Variants in PCDH17 observed in about 807,000 individuals in gnomAD.
PCDH17 encodes protocadherin-17.
A neutral mutation model predicts 67.7 loss-of-function variants in PCDH17; 21 were observed. The ratio of observed to expected loss-of-function variants is 0.31; its 90% CI spans 0.22 to 0.45. PCDH17 has a LOEUF of 0.45. PCDH17 is among the 20% of genes least tolerant of loss of function. The pLI is 1.00. For synonymous variants in PCDH17, 701 were observed against 656.7 expected, an observed-to-expected ratio of 1.07 and a Z score of -1.03; for missense variants, 1,471 against 1,564.8, an observed-to-expected ratio of 0.94 and a Z score of 1.01.
rs756617213 is a variant in PCDH17 at position 57,634,941 on chromosome 13, G to A, written c.2395G>A (p.Asp799Asn). The A allele has an allele frequency of 6.8e-6, 11 of 1,613,398 alleles. No individual in the cohort carries two copies. The highest frequency in any genetic ancestry group is 9.3e-6 in the Non-Finnish European group (11 of 1,179,908). Residue 799 changes from aspartate to asparagine, a missense_variant, in exon 1 of 4, where the codon GAC becomes AAC. Around this residue, in one of 3 missense-constraint regions of PCDH17, gnomAD observed 1,163 missense variants for 1,230.0 expected, o/e 0.95. Coordinates refer to ENST00000377918, the MANE Select transcript of PCDH17 (RefSeq NM_001040429.3). The surrounding 1 kb of genome is among the most constrained non-coding windows in gnomAD (Gnocchi z 7.8). The stretch of plus-strand genomic sequence containing the variant: ...CCTGGCCACCTCCCCCATGTACTTC[G>A]ACTACCAGACCCGCCTGCCCCTCAG... ...PSLATSPMYF[D>N]YQTRLPLSSP...
In PCDH17 at chr13:57,633,654, G is replaced by A. The variant is rs1220400732; in HGVS notation, c.1108G>A (p.Val370Ile). Residue 370 changes from valine (V) to isoleucine (I), a missense_variant, in exon 1 of 4, where the codon GTC (valine) becomes ATC (isoleucine). This residue lies in a region of PCDH17 where 1,163 missense variants were observed against 1,230.0 expected (regional missense o/e 0.95). Coordinates refer to ENST00000377918, the MANE Select transcript of PCDH17 (RefSeq NM_001040429.3). The surrounding 1 kb of genome is among the most constrained non-coding windows in gnomAD (Gnocchi z 6.2). ...GAGCGAGGCCGCCCCTCCCGGCACCGTCATCGCCCTGGTGCGGGTCACTGA... is the reference window on the plus strand; with the variant it reads ...GAGCGAGGCCGCCCCTCCCGGCACCATCATCGCCCTGGTGCGGGTCACTGA... ...ALSEAAPPGT[V>I]IALVRVTDRD... The A allele has an allele frequency of 1.2e-6, 2 of 1,607,526 alleles. No individual in the cohort carries two copies. Among genetic ancestry groups the A allele is most frequent in the Non-Finnish European group, 1.7e-6 (2 of 1,179,956 alleles).
chr13:57,634,712 C>T lies in PCDH17; in HGVS notation c.2166C>T (p.Ala722=). 1.2e-6 allele frequency: 2 copies of T among 1,613,942 alleles called. No individual in the cohort carries two copies. The highest frequency in any genetic ancestry group is 1.7e-6 in the Non-Finnish European group (2 of 1,180,016). ...CTATCTCCATCATCCTCCTAGCGGC[C>T]ATGATCACCATCGCCGTCAAGTGCA... ...LSTISIILLA[A]MITIAVKCKR... Residue 722 remains alanine (A), a synonymous_variant, in exon 1 of 4, where the codon GCC becomes GCT. Coordinates refer to ENST00000377918, the MANE Select transcript of PCDH17 (RefSeq NM_001040429.3). The surrounding 1 kb of genome is among the most constrained non-coding windows in gnomAD (Gnocchi z 7.8).
intron 3 of PCDH17, among the ~76,000 whole-genome samples, chr13:57,669,557 A>G (rs905961964): frequency 3.3e-5 from 5 of 151,944 alleles, no homozygotes; most frequent in Non-Finnish European, 7.4e-5. Context: ...GTATCTGTTC[A>G]TCTAGATTTA....
At chr13:57,650,476 A>G (rs879647441) in intron 1 of PCDH17, among the ~76,000 whole-genome samples, 5 of 152,038 alleles carry the variant, frequency 3.3e-5, no homozygotes, top group African/African-American at 4.8e-5. Flanking sequence ...GCAAGTCAAT[A>G]GTTTCCCTAC....
chr13:57,681,893 C>T (rs1052465016), intron 3 of PCDH17, among the ~76,000 whole-genome samples: 2 of 151,732 alleles, frequency 1.3e-5, no homozygotes, highest in African/African-American at 4.8e-5. Context: ...CTATCTCAGA[C>T]TCTTCCAAGA....
chr13:57,668,923 T>C (rs1476201468), intron 3 of PCDH17, among the ~76,000 whole-genome samples: 1 of 152,112 alleles, frequency 6.6e-6, no homozygotes, highest in Non-Finnish European at 1.5e-5. Flanking sequence ...GCAAGTGCCA[T>C]GTTGGTGTGC....
intron 1 of PCDH17, among the ~76,000 whole-genome samples, chr13:57,663,332 A>G (rs540185866): frequency 6.6e-6 from 1 of 152,268 alleles, no homozygotes; most frequent in South Asian, 2.1e-4. Context: ...CCTAAAATGT[A>G]CAAATGTCTG....
chr13:57,635,643 T>C (rs114727957), intron 1 of PCDH17, among the ~76,000 whole-genome samples: 355 of 152,332 alleles, frequency 2.3e-3, no homozygotes, highest in African/African-American at 8.2e-3. Context: ...AAAGTCAGCT[T>C]TATATTTTAA....
At chr13:57,704,386 G>T (rs1397560941) in intron 3 of PCDH17, among the ~76,000 whole-genome samples, 1 of 152,046 alleles carries the variant, frequency 6.6e-6, no homozygotes, top group African/African-American at 2.4e-5. Context: ...AAAAGCAAAA[G>T]TCTATCAAGC....
chr13:57,672,328 C>G (rs1955332750), intron 3 of PCDH17, among the ~76,000 whole-genome samples: 1 of 151,838 alleles, frequency 6.6e-6, no homozygotes, highest in African/African-American at 2.4e-5. Context: ...TAGGCTTAGG[C>G]TAGTTTAAAT....
At chr13:57,669,401 T>C (rs1955294031) in intron 3 of PCDH17, among the ~76,000 whole-genome samples, 2 of 151,984 alleles carry the variant, frequency 1.3e-5, no homozygotes, top group African/African-American at 4.8e-5. Flanking sequence ...TCCCCTCCTT[T>C]GCTTTCTCTC....
At chr13:57,709,616 T>C (rs1955756835) in intron 3 of PCDH17, 1 of 152,102 alleles carries the variant, frequency 6.6e-6, no homozygotes, top group African/African-American at 2.4e-5. Flanking sequence ...AGTTGGCCCT[T>C]TTTCCTACTT....
intron 3 of PCDH17, among the ~76,000 whole-genome samples, chr13:57,714,765 G>A (rs971289835): frequency 6.6e-6 from 1 of 151,672 alleles, no homozygotes; most frequent in Non-Finnish European, 1.5e-5. Flanking sequence ...TAATTCATAT[G>A]TTGATGATAG....
chr13:57,633,500 G>T lies in PCDH17; in HGVS notation c.954G>T (p.Glu318Asp). ...NLDYEENGML[E>D]IDVQARDLGP... ...ACTATGAGGAAAACGGGATGCTGGA[G>T]ATTGACGTGCAGGCCCGAGACCTGG... The change falls in exon 1 of 4, where the codon GAG (glutamate) becomes GAT (aspartate). Residue 318 changes from glutamate to aspartate, a missense_variant. Glu to Asp is a conservative substitution (Grantham distance 45). This residue lies in a region of PCDH17 where 1,163 missense variants were observed against 1,230.0 expected (regional missense o/e 0.95). Transcript: ENST00000377918. The surrounding 1 kb of genome is among the most constrained non-coding windows in gnomAD (Gnocchi z 6.2). 1.9e-6 allele frequency: 3 copies of T among 1,613,926 alleles called. No individual in the cohort carries two copies. The highest frequency in any genetic ancestry group is 2.5e-6 in the Non-Finnish European group (3 of 1,180,032).
Position 57,655,959 on chromosome 13 carries a change from G to T in PCDH17, c.2566-10509G>T, listed in dbSNP as rs1428855925. Among the ~76,000 whole-genome samples the T allele has an allele frequency of 2.0e-5, 3 of 151,986 alleles. No homozygotes were observed. The East Asian group carries it at 5.8e-4, about 29-fold the overall frequency. On this transcript the variant is annotated intron_variant, in intron 1 of 3. Coordinates refer to ENST00000377918, the MANE Select transcript of PCDH17 (RefSeq NM_001040429.3). ...TTCATTATTTTTCTCCATTATCTCA[G>T]AGAGGCAGTACAGCAACCGACTGGT...
chr13:57,666,590 A>G, intron 2 of PCDH17, 64 bp downstream of exon 2: 2 of 1,607,174 alleles, frequency 1.2e-6, no homozygotes, highest in South Asian at 1.1e-5. Context: ...ATTGCTTTGC[A>G]AGAGACTACA....
chr13:57,663,730 T>A (rs1955213877), intron 1 of PCDH17, among the ~76,000 whole-genome samples: 2 of 152,172 alleles, frequency 1.3e-5, no homozygotes, highest in African/African-American at 4.8e-5. Context: ...TGCTAGTGAT[T>A]GAATTGCAAA....
At chr13:57,672,714 G>A (rs1163037174) in intron 3 of PCDH17, among the ~76,000 whole-genome samples, 1 of 151,938 alleles carries the variant, frequency 6.6e-6, no homozygotes, top group African/African-American at 2.4e-5. Flanking sequence ...TAGTAGAACT[G>A]TTTCTTTCTG....
At chr13:57,650,182 A>G (rs1009524533) in intron 1 of PCDH17, among the ~76,000 whole-genome samples, 12 of 150,660 alleles carry the variant, frequency 8.0e-5, no homozygotes, top group Admixed American at 2.7e-4. Context: ...TCAAGCCCAG[A>G]TGAGATGTAA....
Sources: gnomAD v4.1 joint callset for allele counts (sites outside exome capture counted in the v4.1 genomes callset) on GRCh38, gnomAD v4.1.1 for gene constraint, gnomAD v4.1.1 regional missense constraint, Gnocchi (gnomAD v3.1) non-coding constraint, MANE v1.5 for transcripts, NCBI Gene and HGNC (gene_info 2026-07-23, HGNC 2026-07-21) for gene names.